The following MCU variants were observed in gnomAD, a reference collection of about 807,000 sequenced individuals.
The protein encoded by MCU is mitochondrial calcium uniporter.
A neutral mutation model predicts 45.2 loss-of-function variants in MCU; 12 were observed. The ratio of observed to expected loss-of-function variants is 0.27; its 90% CI spans 0.17 to 0.43. MCU has a LOEUF of 0.43. MCU is among the 20% of genes least tolerant of loss of function. MCU has a pLI of 1.00. For missense variants in MCU, 324 were observed against 436.7 expected (o/e 0.74, Z 2.30); for synonymous variants, 160 against 165.1 (o/e 0.97, Z 0.24).
chr10:72,726,662 T>TA (rs1019154059), intron 1 of MCU, among the ~76,000 whole-genome samples: 1 of 152,018 alleles, frequency 6.6e-6, no homozygotes, highest in Non-Finnish European at 1.5e-5. Context: ...ATTCCTAATC[T>TA]AAAAAAAATC....
At chr10:72,760,240 A>G (rs1246952111) in intron 1 of MCU, among the ~76,000 whole-genome samples, 1 of 151,984 alleles carries the variant, frequency 6.6e-6, no homozygotes, top group Non-Finnish European at 1.5e-5. Context: ...TGGTGGAGAC[A>G]ATGTCTCACT....
chr10:72,728,052 T>C (rs1169906249), intron 1 of MCU, among the ~76,000 whole-genome samples: 1 of 152,130 alleles, frequency 6.6e-6, no homozygotes, highest in Admixed American at 6.6e-5. Context: ...CCACTGGGAA[T>C]AGGTATTAGA....
chr10:72,737,442 A>G (rs966319544), intron 1 of MCU, among the ~76,000 whole-genome samples: 9 of 152,062 alleles, frequency 5.9e-5, no homozygotes, highest in African/African-American at 2.2e-4. Context: ...TTTGAAATGT[A>G]AAGAGAGGGG....
intron 1 of MCU, among the ~76,000 whole-genome samples, chr10:72,697,936 C>T (rs1233434051): frequency 1.4e-5 from 2 of 141,614 alleles, no homozygotes; most frequent in East Asian, 1.9e-4. Context: ...CCATGCCTAG[C>T]TCATAAAAAG....
intron 1 of MCU, among the ~76,000 whole-genome samples, chr10:72,766,117 C>T (rs1436167341): frequency 6.6e-6 from 1 of 152,184 alleles, no homozygotes; most frequent in Non-Finnish European, 1.5e-5. Flanking sequence ...GTCCTCTCAC[C>T]ATGGCCTTCC....
intron 1 of MCU, among the ~76,000 whole-genome samples, chr10:72,698,769 T>G (rs1230563153): frequency 2.0e-5 from 3 of 152,074 alleles, no homozygotes; most frequent in Middle Eastern, 3.2e-3. Context: ...CCTCCCAAAG[T>G]GCTGGTATTA....
intron 1 of MCU, among the ~76,000 whole-genome samples, chr10:72,783,346 G>C (rs1844023499): frequency 6.6e-6 from 1 of 152,198 alleles, no homozygotes; most frequent in African/African-American, 2.4e-5. Context: ...ATTCATTTTA[G>C]AATATTATTG....
rs368029286 is a variant in MCU, at chr10:72,845,042, G to A, written c.220+10614G>A. On this transcript the variant is annotated intron_variant, in intron 2 of 7. Coordinates refer to ENST00000373053, the MANE Select transcript of MCU (RefSeq NM_138357.3). ...AAACAAGGGGGCATGTGGTACCTAA[G>A]CACATATTAAGATGTATTTCTAAAA... 6.6e-4 allele frequency among the ~76,000 whole-genome samples: 101 copies of A among 152,212 alleles called. 1 individual carries two copies. The South Asian group carries it at 9.7e-3, about 15-fold the overall frequency.
At chr10:72,765,845 CTATTTTCTTTTATTT>C (rs111264708) in intron 1 of MCU, among the ~76,000 whole-genome samples, 15 of 146,406 alleles carry the variant, frequency 1.0e-4, no homozygotes, top group African/African-American at 3.8e-4. Flanking sequence ...ATTCAGATGA[CTATTTTCTTTTATTT>C]TATTTTCTTT....
At chr10:72,817,467 T>C (rs1237360339) in intron 1 of MCU, among the ~76,000 whole-genome samples, 10 of 152,212 alleles carry the variant, frequency 6.6e-5, no homozygotes, top group Admixed American at 6.5e-4. Flanking sequence ...ATCTGTTCTT[T>C]AGACTTTGCT....
chr10:72,825,127 A>T (rs867246794), intron 1 of MCU, among the ~76,000 whole-genome samples: 6 of 152,200 alleles, frequency 3.9e-5, no homozygotes, highest in Admixed American at 6.5e-5. Context: ...TAAATCTGTT[A>T]TATTTCACCT....
At chr10:72,858,060 TTGCA>T (rs1845319764) in intron 2 of MCU, among the ~76,000 whole-genome samples, 1 of 152,158 alleles carries the variant, frequency 6.6e-6, no homozygotes, top group African/African-American at 2.4e-5. Context: ...CTCATAAAGG[TTGCA>T]GGCTGCAGGG....
chr10:72,809,114 G>A (rs933071283), intron 1 of MCU, among the ~76,000 whole-genome samples: 1 of 152,218 alleles, frequency 6.6e-6, no homozygotes, highest in African/African-American at 2.4e-5. Flanking sequence ...ATATTAGAAG[G>A]ACAAAAGATT....
At position 72,737,556 on chromosome 10, in the gene MCU, A is replaced by G. The variant is rs184981758; in HGVS notation, c.150+45255A>G. Among the ~76,000 whole-genome samples the G allele has an allele frequency of 3.5e-3, 482 of 139,014 alleles. 1 individual carries two copies. Among genetic ancestry groups the G allele is most frequent in the Admixed American group, 5.0e-3 (67 of 13,332 alleles). 91.2% of individuals were successfully genotyped at this position (139,014 alleles called of 152,430 possible). On this transcript the variant is annotated intron_variant, in intron 1 of 7. Coordinates refer to ENST00000373053, the MANE Select transcript of MCU (RefSeq NM_138357.3). The stretch of plus-strand genomic sequence containing the variant: ...TTTTTCAGAGATGGTATCTTGCTCT[A>G]TTGCCTGGGTTGGATTGACATGGTG...
intron 1 of MCU, among the ~76,000 whole-genome samples, chr10:72,743,724 G>A (rs988408246): frequency 6.6e-6 from 1 of 152,120 alleles, no homozygotes; most frequent in Admixed American, 6.6e-5. Context: ...TCACCTAGAG[G>A]GGTGGATGCT....
At chr10:72,752,605 CAA>C (rs60441689) in intron 1 of MCU, among the ~76,000 whole-genome samples, 6,264 of 152,148 alleles carry the variant, frequency 0.041, 411 homozygotes, top group African/African-American at 0.14. Flanking sequence ...ATTTGGAAGA[CAA>C]AGAGATATGA....
At chr10:72,854,982 C>G (rs1845265724) in intron 2 of MCU, among the ~76,000 whole-genome samples, 1 of 152,190 alleles carries the variant, frequency 6.6e-6, no homozygotes, top group South Asian at 2.1e-4. Flanking sequence ...TGGCTTACGC[C>G]TGTAATCCCA....
At chr10:72,756,777 C>T (rs1259974656) in intron 1 of MCU, 1 of 152,076 alleles carries the variant, frequency 6.6e-6, no homozygotes, top group East Asian at 1.9e-4. Flanking sequence ...TCCAGCTCCC[C>T]TCCTCACAAT....
intron 1 of MCU, chr10:72,715,864 T>C (rs1842950037): frequency 1.0e-6 from 1 of 985,690 alleles, no homozygotes. Flanking sequence ...GTATTGGTGA[T>C]GTGACCTGTT....
Sources: gnomAD v4.1 joint callset for allele counts (sites outside exome capture counted in the v4.1 genomes callset) on GRCh38, gnomAD v4.1.1 for gene constraint, MANE v1.5 for transcripts, NCBI Gene and HGNC (gene_info 2026-07-23, HGNC 2026-07-21) for gene names.